The following ZFYVE26 variants were observed in gnomAD, a reference collection of about 807,000 sequenced individuals.
ZFYVE26 encodes the protein zinc finger FYVE domain-containing protein 26.
Under a neutral mutation model 276.5 loss-of-function variants are expected in ZFYVE26, and 181 were observed. The observed-to-expected ratio is 0.65, with a 90% CI of 0.58 to 0.74. The LOEUF (loss-of-function observed/expected upper bound fraction) is 0.74. Among genes scored for constraint, ZFYVE26 ranks in the 30% least tolerant of loss-of-function variants. The pLI, the probability that ZFYVE26 is intolerant of heterozygous loss-of-function variation, is 0.00. For synonymous variants in ZFYVE26, 1,129 were observed against 1,203.1 expected, an observed-to-expected ratio of 0.94 and a Z score of 1.27; for missense variants, 2,821 against 3,097.9, an observed-to-expected ratio of 0.91 and a Z score of 2.12.
chr14:67,795,789 G>A (rs1192414561), intron 12 of ZFYVE26, among the ~76,000 whole-genome samples: 2 of 152,128 alleles, frequency 1.3e-5, no homozygotes, highest in African/African-American at 2.4e-5. Flanking sequence ...AGCACATGAT[G>A]AGAAAATATT....
chr14:67,731,046 TTAAA>T lies in ZFYVE26; in HGVS notation n.2680-1231_2680-1228del, dbSNP rs1359729480. ...CTAAAATGATTTTGCTATTTGTGGG[TTAAA>T]TAAAGTACATATTTATTAACTCAAT... is the stretch of plus-strand genomic sequence containing the variant. On this transcript the variant is annotated intron_variant and non_coding_transcript_variant, in intron 13 of 14. Transcript: ENST00000394455. 3.9e-5 allele frequency among the ~76,000 whole-genome samples: 6 copies of T among 152,306 alleles called. No homozygotes were observed. The East Asian group carries it at 7.7e-4, about 20-fold the overall frequency.
intron 35 of ZFYVE26, among the ~76,000 whole-genome samples, chr14:67,757,648 T>G (rs1594887583): frequency 5.2e-5 from 1 of 19,056 alleles, no homozygotes; most frequent in African/African-American, 1.2e-4. Context: ...TTGTCTTTCT[T>G]TCTTTCTTTC....
chr14:67,763,571 G>A (rs1453960527), intron 32 of ZFYVE26, among the ~76,000 whole-genome samples: 3 of 152,194 alleles, frequency 2.0e-5, no homozygotes, highest in Non-Finnish European at 4.4e-5. Flanking sequence ...AACCTAGGTG[G>A]GTAGAAGGCT....
chr14:67,735,088 G>A, intron 13 of ZFYVE26: 1 of 734,642 alleles, frequency 1.4e-6, no homozygotes, highest in Non-Finnish European at 2.5e-6. Flanking sequence ...ATATCGGGAA[G>A]CTGAGCAGCA....
chr14:67,781,195 T>TA lies in ZFYVE26; in HGVS notation c.4569+137dup. 3 of 982,550 alleles carry TA rather than the reference T, an allele frequency of 3.1e-6. No homozygotes were observed. The South Asian group carries it at 3.9e-5, about 13-fold the overall frequency. The allele number at this position is 982,550 out of a possible 1,614,324, so 60.9% of individuals were successfully genotyped here. A position where few individuals can be genotyped will look rare whatever the true frequency, so the allele number is the denominator to read the frequency against. The stretch of plus-strand genomic sequence containing the variant: ...CTAGGAGGCCTCCCTGCTGTTCACC[T>TA]AAGAACTGAAGCCAGATGCAAAGCA... On this transcript the variant is annotated intron_variant, in intron 22 of 41. Coordinates refer to ENST00000347230, the MANE Select transcript of ZFYVE26 (RefSeq NM_015346.4).
At chr14:67,735,335 A>G in intron 13 of ZFYVE26, 1 of 780,350 alleles carries the variant, frequency 1.3e-6, no homozygotes, top group Non-Finnish European at 2.4e-6. Flanking sequence ...CAAAAGGACC[A>G]TCTAGTCTGC....
At chr14:67,767,014 C>A (rs1672056220) in intron 31 of ZFYVE26, among the ~76,000 whole-genome samples, 1 of 152,068 alleles carries the variant, frequency 6.6e-6, no homozygotes, top group Admixed American at 6.5e-5. Flanking sequence ...TTGTTACCTA[C>A]TTCTTGACAA....
chr14:67,797,588 G>T, intron 12 of ZFYVE26, 84 bp downstream of exon 12: 2 of 1,435,372 alleles, frequency 1.4e-6, no homozygotes, highest in South Asian at 2.4e-5. Context: ...TGTTGTTTTT[G>T]ACCATGTGCT....
chr14:67,794,972 A>G (rs936640190), intron 12 of ZFYVE26, among the ~76,000 whole-genome samples: 2 of 152,212 alleles, frequency 1.3e-5, no homozygotes, highest in African/African-American at 4.8e-5. Flanking sequence ...GTAGGGAACC[A>G]AAGTCTAAGA....
At chr14:67,761,831 G>A in intron 34 of ZFYVE26, 1 of 576,734 alleles carries the variant, frequency 1.7e-6, no homozygotes, top group Non-Finnish European at 3.1e-6. Flanking sequence ...AGTGTCAAAG[G>A]CAGAACAGGC....
intron 33 of ZFYVE26, 57 bp downstream of exon 33, chr14:67,762,615 C>A: frequency 6.2e-7 from 1 of 1,608,448 alleles, no homozygotes. Context: ...CAAGGCTAAG[C>A]AAAAGCAACT....
At chr14:67,803,044 T>C (rs2140247579) in intron 9 of ZFYVE26, among the ~76,000 whole-genome samples, 1 of 152,342 alleles carries the variant, frequency 6.6e-6, no homozygotes, top group Non-Finnish European at 1.5e-5. Flanking sequence ...ATACAATTAC[T>C]ATTAGTCAAT....
At position 67,805,316 on chromosome 14, in the gene ZFYVE26, A is replaced by AT; in HGVS notation, c.1183-12dup. ...ATCACAGCCTGGGCCCTATGTTGAT[A>AT]TGGGAGAAGAAAGAGATGCTGACTC... On this transcript the variant is annotated splice_polypyrimidine_tract_variant and intron_variant, in intron 7 of 41. Transcript: ENST00000347230. 6.2e-7 allele frequency: 1 copy of AT among 1,614,112 alleles called. No individual in the cohort carries two copies. The highest frequency in any genetic ancestry group is 1.3e-5 in the African/African-American group (1 of 75,054).
Position 67,748,150 on chromosome 14 carries a change from A to T in ZFYVE26, c.*286T>A, listed in dbSNP as rs2038534326. On this transcript the variant is annotated 3_prime_UTR_variant, in exon 42 of 42. Transcript: ENST00000347230. ...TGGGCGTAAACATCAGCGCACAGGA[A>T]CATGCACACGTGTGTGCACACATAC... is the stretch of plus-strand genomic sequence containing the variant. 1 of 485,782 alleles carries T rather than the reference A, an allele frequency of 2.1e-6. No homozygotes were observed. 30.1% of individuals were successfully genotyped at this position (485,782 alleles called of 1,614,324 possible).
At position 67,737,298 on chromosome 14, in the gene ZFYVE26, G is replaced by C. The variant is rs190915965; in HGVS notation, n.2680-7479C>G. On this transcript the variant is annotated intron_variant and non_coding_transcript_variant, in intron 13 of 14. Transcript: ENST00000394455. ...TGCTATAAAGATCCTACCCAAGACCGGGTAATTTATAAAGAAAAGAGGTTT... is the reference window on the plus strand; with the variant it reads ...TGCTATAAAGATCCTACCCAAGACCCGGTAATTTATAAAGAAAAGAGGTTT... Among the ~76,000 whole-genome samples, 32 of 151,992 alleles carry C rather than the reference G, an allele frequency of 2.1e-4. 1 individual carries two copies. Among genetic ancestry groups the C allele is most frequent in the African/African-American group, 7.7e-4 (32 of 41,434 alleles).
chr14:67,809,320 A>G (rs2040245720), intron 3 of ZFYVE26, 31 bp from the exon 4 acceptor site: 5 of 1,495,008 alleles, frequency 3.3e-6, no homozygotes, highest in Non-Finnish European at 4.7e-6. Context: ...AAGCATAGAG[A>G]TGAGATATAT....
intron 13 of ZFYVE26, among the ~76,000 whole-genome samples, chr14:67,738,373 A>C (rs1296654925): frequency 6.7e-6 from 1 of 148,364 alleles, no homozygotes; most frequent in Non-Finnish European, 1.5e-5. Context: ...ACTTATAAAT[A>C]TATACTTATA....
At chr14:67,797,830 TGG>T in intron 11 of ZFYVE26, 75 bp from the exon 12 acceptor site, 3 of 1,595,554 alleles carry the variant, frequency 1.9e-6, no homozygotes, top group Non-Finnish European at 2.6e-6. Flanking sequence ...CATAACAGGT[TGG>T]GGAAGGTTTG....
chr14:67,751,331 A>G (rs551563135), intron 40 of ZFYVE26: 16 of 586,104 alleles, frequency 2.7e-5, no homozygotes, highest in East Asian at 6.0e-5. Context: ...TTCATTTCCA[A>G]TCTGGGCCAG....
Sources: gnomAD v4.1 joint callset for allele counts (sites outside exome capture counted in the v4.1 genomes callset) on GRCh38, gnomAD v4.1.1 for gene constraint, MANE v1.5 for transcripts, NCBI Gene and HGNC (gene_info 2026-07-23, HGNC 2026-07-21) for gene names.